The following PPP1R9A variants were observed in gnomAD, a reference collection of about 807,000 sequenced individuals.
PPP1R9A encodes neurabin-1.
PPP1R9A carries 59 observed loss-of-function variants against 141.9 expected under a neutral mutation model. The ratio of observed to expected loss-of-function variants is 0.42; its 90% CI spans 0.34 to 0.52. The LOEUF (loss-of-function observed/expected upper bound fraction) is 0.52. PPP1R9A is among the 20% of genes least tolerant of loss of function. The pLI, the probability that PPP1R9A is intolerant of heterozygous loss-of-function variation, is 0.10. For synonymous variants in PPP1R9A, 500 were observed against 569.7 expected (o/e 0.88, Z 1.74); for missense variants, 1,444 against 1,611.9 (o/e 0.90, Z 1.78).
chr7:95,121,746 C>A (rs553951358), intron 4 of PPP1R9A, among the ~76,000 whole-genome samples: 1 of 152,040 alleles, frequency 6.6e-6, no homozygotes, highest in Non-Finnish European at 1.5e-5. Context: ...GCAAAAGGTG[C>A]AAAGGCCAAG....
chr7:95,196,399 C>A (rs12704780), intron 5 of PPP1R9A, among the ~76,000 whole-genome samples: 3 of 151,948 alleles, frequency 2.0e-5, no homozygotes, highest in African/African-American at 7.2e-5. Flanking sequence ...ACTATTACTT[C>A]GAAAAACAAT....
chr7:95,210,552 G>A (rs1218792949), intron 7 of PPP1R9A, among the ~76,000 whole-genome samples: 3 of 151,592 alleles, frequency 2.0e-5, no homozygotes, highest in Non-Finnish European at 2.9e-5. Context: ...TGCAACCTCC[G>A]CCTCCCCGGT....
intron 4 of PPP1R9A, among the ~76,000 whole-genome samples, chr7:95,126,599 CTT>C (rs994979845): frequency 6.6e-6 from 1 of 152,080 alleles, no homozygotes; most frequent in African/African-American, 2.4e-5. Context: ...TCCTGGAAAA[CTT>C]TGGAAAGTTT....
intron 8 of PPP1R9A, among the ~76,000 whole-genome samples, chr7:95,233,698 TACCC>T (rs1337090098): frequency 6.6e-6 from 1 of 151,906 alleles, no homozygotes; most frequent in Non-Finnish European, 1.5e-5. Context: ...GTCACCCTAA[TACCC>T]AAACCGGGAA....
intron 2 of PPP1R9A, among the ~76,000 whole-genome samples, chr7:95,080,266 A>G (rs919043572): frequency 1.3e-5 from 2 of 152,186 alleles, no homozygotes; most frequent in African/African-American, 4.8e-5. Context: ...TCAATGTGCA[A>G]AAATCACAAG....
chr7:95,268,903 C>T (rs1801713023), intron 13 of PPP1R9A, among the ~76,000 whole-genome samples, 196 bp downstream of exon 13: 1 of 152,144 alleles, frequency 6.6e-6, no homozygotes, highest in African/African-American at 2.4e-5. Context: ...ATTCAGTGAA[C>T]TAACCAAGAG....
At chr7:95,278,267 C>G (rs1208718591) in intron 16 of PPP1R9A, among the ~76,000 whole-genome samples, 1 of 152,048 alleles carries the variant, frequency 6.6e-6, no homozygotes, top group Non-Finnish European at 1.5e-5. Flanking sequence ...TAAGGCTAGT[C>G]TATATTGGGA....
At chr7:95,128,069 G>C (rs540478838) in intron 4 of PPP1R9A, among the ~76,000 whole-genome samples, 32 of 152,254 alleles carry the variant, frequency 2.1e-4, no homozygotes, top group African/African-American at 7.2e-4. Context: ...TGGTACTTCT[G>C]TGTTCTTTGA....
rs141745066 is a variant in PPP1R9A at position 94,967,510 on chromosome 7, A to G, written c.1395+56002A>G. ...AGCTGTGTCCCAGAGATTCTGGTACATTTGTGTCTTTGTTCTCATTGGTTT... is the reference window on the plus strand; with the variant it reads ...AGCTGTGTCCCAGAGATTCTGGTACGTTTGTGTCTTTGTTCTCATTGGTTT... On this transcript the variant is annotated intron_variant, in intron 2 of 19. Transcript: ENST00000433360. Among the ~76,000 whole-genome samples, 865 of 152,124 alleles carry G rather than the reference A, an allele frequency of 5.7e-3. 4 individuals carry two copies. The highest frequency in any genetic ancestry group is 0.02 in the African/African-American group (833 of 41,492).
chr7:95,139,022 A>G lies in PPP1R9A; in HGVS notation c.1649+18190A>G, dbSNP rs536115379. On this transcript the variant is annotated intron_variant, in intron 4 of 19. Transcript: ENST00000433360. ...GATATTTTCCAATAGAAATGAAAAC[A>G]TATGTCTACATAAAGTCTTGCATGT... Among the ~76,000 whole-genome samples the G allele has an allele frequency of 2.3e-4, 35 of 152,362 alleles. 1 individual carries two copies. The highest frequency in any genetic ancestry group is 7.5e-4 in the African/African-American group (31 of 41,586).
chr7:95,248,905 G>A (rs1165621304), intron 9 of PPP1R9A, among the ~76,000 whole-genome samples: 2 of 152,182 alleles, frequency 1.3e-5, no homozygotes, highest in Non-Finnish European at 2.9e-5. Context: ...AGATGTGTGT[G>A]TATATAAATA....
At chr7:94,975,743 T>C (rs977374194) in intron 2 of PPP1R9A, among the ~76,000 whole-genome samples, 2 of 152,180 alleles carry the variant, frequency 1.3e-5, no homozygotes, top group Admixed American at 6.5e-5. Context: ...TGGGAAAATA[T>C]ATCCCAAATC....
intron 4 of PPP1R9A, among the ~76,000 whole-genome samples, chr7:95,157,240 C>A (rs979409562): frequency 2.0e-5 from 3 of 151,614 alleles, no homozygotes; most frequent in Admixed American, 2.0e-4. Flanking sequence ...GGCAGGGGGG[C>A]CTTCTCAGCT....
chr7:94,958,545 T>TA (rs1490604514), intron 2 of PPP1R9A, among the ~76,000 whole-genome samples: 1 of 151,976 alleles, frequency 6.6e-6, no homozygotes, highest in African/African-American at 2.4e-5. Flanking sequence ...TTTTATTTGT[T>TA]AGAGTTATTA....
chr7:95,020,744 A>T (rs1356217706), intron 2 of PPP1R9A, among the ~76,000 whole-genome samples: 1 of 152,114 alleles, frequency 6.6e-6, no homozygotes, highest in Non-Finnish European at 1.5e-5. Flanking sequence ...GCTGAGAATG[A>T]TGGTTTCCAG....
intron 2 of PPP1R9A, among the ~76,000 whole-genome samples, chr7:94,915,287 T>C (rs1791936093): frequency 6.6e-6 from 1 of 152,192 alleles, no homozygotes; most frequent in Admixed American, 6.5e-5. Flanking sequence ...AGTTAGGGCA[T>C]TCATGGATAT....
chr7:95,145,042 T>C (rs1264946305), intron 4 of PPP1R9A, among the ~76,000 whole-genome samples: 1 of 152,200 alleles, frequency 6.6e-6, no homozygotes, highest in African/African-American at 2.4e-5. Flanking sequence ...GTGAAAGATA[T>C]GCACACTGAA....
chr7:95,100,413 T>C (rs1818606622), intron 2 of PPP1R9A, among the ~76,000 whole-genome samples: 1 of 152,190 alleles, frequency 6.6e-6, no homozygotes, highest in Non-Finnish European at 1.5e-5. Flanking sequence ...AACAATTTAC[T>C]CCAAATAATA....
At chr7:95,030,957 T>C (rs1807591720) in intron 2 of PPP1R9A, among the ~76,000 whole-genome samples, 1 of 152,104 alleles carries the variant, frequency 6.6e-6, no homozygotes, top group Non-Finnish European at 1.5e-5. Flanking sequence ...GTGGGGAATA[T>C]AGGGCAGGTG....
Sources: gnomAD v4.1 joint callset for allele counts (sites outside exome capture counted in the v4.1 genomes callset) on GRCh38, gnomAD v4.1.1 for gene constraint, MANE v1.5 for transcripts, NCBI Gene and HGNC (gene_info 2026-07-23, HGNC 2026-07-21) for gene names.